The following TMTC1 variants were observed in gnomAD, a reference collection of about 807,000 sequenced individuals.
The protein encoded by TMTC1 is protein O-mannosyl-transferase TMTC1.
TMTC1 carries 73 observed loss-of-function variants against 104.8 expected under a neutral mutation model. The observed-to-expected ratio is 0.70, with a 90% CI of 0.58 to 0.85. The LOEUF (loss-of-function observed/expected upper bound fraction) is 0.85. TMTC1 is among the 40% of genes least tolerant of loss of function. TMTC1 has a pLI of 0.00. For missense variants in TMTC1, 1,035 were observed against 1,096.1 expected (o/e 0.94, Z 0.79); for synonymous variants, 434 against 428.7 (o/e 1.01, Z -0.15).
intron 5 of TMTC1, chr12:29,661,338 C>T: frequency 2.0e-6 from 2 of 979,886 alleles, no homozygotes; most frequent in Non-Finnish European, 2.4e-6. Context: ...TTGAAGGCTC[C>T]AATGTCTTCC....
At chr12:29,519,961 T>A (rs1944101765) in intron 12 of TMTC1, 1 of 152,386 alleles carries the variant, frequency 6.6e-6, no homozygotes, top group Admixed American at 6.5e-5. Context: ...GGGCAGCTAG[T>A]CTAGTAATCA....
chr12:29,665,646 GTTTC>G (rs1048058181), intron 5 of TMTC1, among the ~76,000 whole-genome samples: 7 of 152,172 alleles, frequency 4.6e-5, no homozygotes, highest in Non-Finnish European at 7.3e-5. Context: ...ATATGACAAA[GTTTC>G]TTTGTTTGAC....
At chr12:29,623,744 C>T (rs180778409) in intron 6 of TMTC1, among the ~76,000 whole-genome samples, 24 of 152,088 alleles carry the variant, frequency 1.6e-4, no homozygotes, top group Middle Eastern at 3.4e-3. Flanking sequence ...ACCCGGGAGA[C>T]GGAGGTTGCA....
chr12:29,612,457 C>T, intron 6 of TMTC1, among the ~76,000 whole-genome samples: 1 of 152,136 alleles, frequency 6.6e-6, no homozygotes. Context: ...CTCTGTCGCC[C>T]AGGCTGGAGT....
At position 29,595,666 on chromosome 12, in the gene TMTC1, G is replaced by A. The variant is rs34564434; in HGVS notation, c.1250+8512C>T. 9.4e-3 allele frequency among the ~76,000 whole-genome samples: 1,427 copies of A among 152,314 alleles called. 15 individuals carry two copies. Among genetic ancestry groups the A allele is most frequent in the South Asian group, 0.036 (176 of 4,830 alleles). On this transcript the variant is annotated intron_variant, in intron 7 of 17. Transcript: ENST00000539277. ...AAGGGCTGGATGGAGCAGTTCAGGA[G>A]GGCACAGCGAGAGCAAAGGCACAGA...
At chr12:29,675,415 C>T (rs184812670) in intron 5 of TMTC1, among the ~76,000 whole-genome samples, 2 of 152,236 alleles carry the variant, frequency 1.3e-5, no homozygotes, top group East Asian at 1.9e-4. Flanking sequence ...TAAGGAGCTT[C>T]GTGGGACACA....
intron 11 of TMTC1, among the ~76,000 whole-genome samples, chr12:29,521,483 G>T (rs1944156509): frequency 6.6e-6 from 1 of 151,130 alleles, no homozygotes; most frequent in Non-Finnish European, 1.5e-5. Flanking sequence ...TTGCCCTTGT[G>T]TTCTCTTTGT....
At chr12:29,525,334 C>A (rs548584952) in intron 11 of TMTC1, among the ~76,000 whole-genome samples, 18 of 151,750 alleles carry the variant, frequency 1.2e-4, no homozygotes, top group African/African-American at 4.4e-4. Context: ...AGGCACCCAT[C>A]ACCACACCCA....
At chr12:29,706,865 T>G (rs74079990) in intron 5 of TMTC1, among the ~76,000 whole-genome samples, 4,776 of 151,922 alleles carry the variant, frequency 0.031, 260 homozygotes, top group African/African-American at 0.11. Context: ...CAGCGGTGGG[T>G]AAAGAGAAAA....
In TMTC1 at chr12:29,735,165, T is replaced by C. The variant is rs75561820; in HGVS notation, c.938+16501A>G. Among the ~76,000 whole-genome samples, 1,247 of 152,352 alleles carry C rather than the reference T, an allele frequency of 8.2e-3. 7 individuals carry two copies. Among genetic ancestry groups the C allele is most frequent in the Non-Finnish European group, 0.013 (880 of 68,032 alleles). Reference sequence around the variant, plus strand: ...ACCTGCATGAAGACACAGAGTCCTCTGCATTCTTTAAGTAGGTGCTATCCT... The same window carrying C: ...ACCTGCATGAAGACACAGAGTCCTCCGCATTCTTTAAGTAGGTGCTATCCT... On this transcript the variant is annotated intron_variant, in intron 5 of 17. Coordinates refer to ENST00000539277, the MANE Select transcript of TMTC1 (RefSeq NM_001193451.2).
Position 29,572,367 on chromosome 12 carries a change from T to A in TMTC1, c.1419-149A>T, listed in dbSNP as rs542036883. 3 of 659,752 alleles carry A rather than the reference T, an allele frequency of 4.5e-6. No homozygotes were observed. The African/African-American group carries it at 5.5e-5, about 12-fold the overall frequency. The allele number at this position is 659,752 out of a possible 1,614,324, so 40.9% of individuals were successfully genotyped here. ...TTGTAGCCTACAAGGCTTCCAAAAT[T>A]TACAAATTATATAATTTACTAAACG... On this transcript the variant is annotated intron_variant, in intron 8 of 17. Coordinates refer to ENST00000539277, the MANE Select transcript of TMTC1 (RefSeq NM_001193451.2).
chr12:29,698,630 T>G (rs1941493429), intron 5 of TMTC1, among the ~76,000 whole-genome samples: 2 of 152,184 alleles, frequency 1.3e-5, no homozygotes, highest in South Asian at 4.1e-4. Context: ...CCCCAGTGTT[T>G]TATTTGCCTC....
chr12:29,556,624 A>G (rs1294156930), intron 10 of TMTC1, among the ~76,000 whole-genome samples: 1 of 152,238 alleles, frequency 6.6e-6, no homozygotes, highest in East Asian at 1.9e-4. Flanking sequence ...CTTTAGAGAC[A>G]ATCTATGAAA....
intron 5 of TMTC1, among the ~76,000 whole-genome samples, chr12:29,689,036 A>C (rs1260025612): frequency 6.6e-6 from 1 of 152,054 alleles, no homozygotes; most frequent in Non-Finnish European, 1.5e-5. Context: ...AACCCTATTT[A>C]CTTCAATCCT....
intron 5 of TMTC1, among the ~76,000 whole-genome samples, chr12:29,672,323 A>G (rs1212655970): frequency 1.3e-5 from 2 of 152,224 alleles, no homozygotes; most frequent in African/African-American, 2.4e-5. Context: ...GCTCCCAAAA[A>G]GTTTCAAACC....
chr12:29,509,741 G>A (rs1943782287), intron 17 of TMTC1, among the ~76,000 whole-genome samples: 1 of 152,162 alleles, frequency 6.6e-6, no homozygotes, highest in Non-Finnish European at 1.5e-5. Flanking sequence ...AGTACATGAT[G>A]TCCACAAAGA....
At chr12:29,588,115 C>A (rs2194819) in intron 7 of TMTC1, among the ~76,000 whole-genome samples, 2 of 151,748 alleles carry the variant, frequency 1.3e-5, no homozygotes, top group Non-Finnish European at 2.9e-5. Context: ...AAGAGAGTCA[C>A]CATCCTACTC....
intron 6 of TMTC1, among the ~76,000 whole-genome samples, chr12:29,612,807 T>A (rs1028482747): frequency 3.3e-5 from 5 of 152,204 alleles, no homozygotes; most frequent in Admixed American, 2.0e-4. Context: ...ATTTGACTGA[T>A]CTTAGTTACT....
In TMTC1 at chr12:29,516,355, G is replaced by A. The variant is rs560105168; in HGVS notation, c.2301C>T (p.His767=). The part of the protein sequence containing the change: ...LSAIYSKQEN[H]DKALDAIDKA... Reference sequence around the variant, plus strand: ...AAACAATGTCCTTCTTTACCTTGTCGTGGTTCTCCTGCTTGCTATAGATGG... The same window carrying A: ...AAACAATGTCCTTCTTTACCTTGTCATGGTTCTCCTGCTTGCTATAGATGG... Residue 767 remains histidine (H), a synonymous_variant, in exon 15 of 18, where the codon CAC becomes CAT. Coordinates refer to ENST00000539277, the MANE Select transcript of TMTC1 (RefSeq NM_001193451.2). 20 of 1,612,844 alleles carry A rather than the reference G, an allele frequency of 1.2e-5. No homozygotes were observed. The highest frequency in any genetic ancestry group is 1.7e-4 in the Middle Eastern group (1 of 6,058).
Sources: allele counts gnomAD v4.1 joint callset (sites outside exome capture counted in the v4.1 genomes callset), GRCh38; gene constraint gnomAD v4.1.1; transcripts MANE v1.5; gene names NCBI Gene and HGNC (gene_info 2026-07-23, HGNC 2026-07-21).